The following CDK17 variants were observed in gnomAD, a reference collection of about 807,000 sequenced individuals.
The protein encoded by CDK17 is cyclin dependent kinase 17.
CDK17 carries 24 observed loss-of-function variants against 77.6 expected under a neutral mutation model. The ratio of observed to expected loss-of-function variants is 0.31; its 90% CI spans 0.22 to 0.44. The LOEUF is 0.44. Among genes scored for constraint, CDK17 ranks in the 20% least tolerant of loss-of-function variants. CDK17 has a pLI of 1.00. For synonymous variants in CDK17, 203 were observed against 210.4 expected (o/e 0.96, Z 0.30); for missense variants, 429 against 622.5 (o/e 0.69, Z 3.31).
chr12:96,358,463 A>G (rs796372558), intron 1 of CDK17, among the ~76,000 whole-genome samples: 93 of 152,024 alleles, frequency 6.1e-4, no homozygotes, highest in African/African-American at 2.2e-3. Flanking sequence ...AAGACAGTAA[A>G]ATGTATACAT....
At chr12:96,390,609 T>C (rs1954051510) in intron 1 of CDK17, among the ~76,000 whole-genome samples, 1 of 143,406 alleles carries the variant, frequency 7.0e-6, no homozygotes, top group Admixed American at 7.3e-5. Flanking sequence ...CTCAGGAGGG[T>C]GAGGCAGGAG....
intron 2 of CDK17, 84 bp from the exon 3 acceptor site, chr12:96,324,196 A>G: frequency 9.2e-7 from 1 of 1,083,246 alleles, no homozygotes; most frequent in Non-Finnish European, 1.3e-6. Context: ...AGCAAAACAA[A>G]AAGTTGTAAC....
intron 6 of CDK17, among the ~76,000 whole-genome samples, chr12:96,299,645 TC>T (rs1454315722): frequency 6.6e-6 from 1 of 152,212 alleles, no homozygotes; most frequent in African/African-American, 2.4e-5. Context: ...CGCCTTGGCC[TC>T]CCAAAATGCT....
chr12:96,310,080 G>C (rs553489745), intron 5 of CDK17, among the ~76,000 whole-genome samples: 1 of 152,184 alleles, frequency 6.6e-6, no homozygotes, highest in East Asian at 1.9e-4. Flanking sequence ...CAACCAGAAT[G>C]CCCATCGATA....
At chr12:96,375,080 T>C (rs922259453) in intron 1 of CDK17, among the ~76,000 whole-genome samples, 10 of 152,142 alleles carry the variant, frequency 6.6e-5, no homozygotes, top group African/African-American at 2.4e-4. Flanking sequence ...TCAAACCATC[T>C]CCACCATCCA....
chr12:96,326,208 A>G (rs1246557542), intron 2 of CDK17, among the ~76,000 whole-genome samples: 1 of 152,208 alleles, frequency 6.6e-6, no homozygotes, highest in South Asian at 2.1e-4. Flanking sequence ...ATAGAAAAAA[A>G]ATGGGGATCA....
chr12:96,350,903 A>C (rs1475569468), intron 1 of CDK17, among the ~76,000 whole-genome samples: 2 of 152,008 alleles, frequency 1.3e-5, no homozygotes, highest in Admixed American at 1.3e-4. Context: ...AAAGAGAGTG[A>C]AACAACCCAC....
At chr12:96,368,174 T>A (rs1333407690) in intron 1 of CDK17, among the ~76,000 whole-genome samples, 4 of 152,158 alleles carry the variant, frequency 2.6e-5, no homozygotes, top group African/African-American at 9.7e-5. Flanking sequence ...AGATTAAGAC[T>A]AATGTTCCTT....
chr12:96,327,596 G>A (rs1952908157), intron 2 of CDK17, among the ~76,000 whole-genome samples: 1 of 151,858 alleles, frequency 6.6e-6, no homozygotes, highest in Admixed American at 6.6e-5. Flanking sequence ...TGCACAGGCT[G>A]AAGTGCAGTG....
At chr12:96,392,033 G>A (rs1199413690) in intron 1 of CDK17, among the ~76,000 whole-genome samples, 2 of 152,016 alleles carry the variant, frequency 1.3e-5, no homozygotes, top group Admixed American at 6.5e-5. Context: ...ATGATAATAC[G>A]GGAAGAAATA....
At chr12:96,316,771 A>G (rs2137114491) in intron 3 of CDK17, among the ~76,000 whole-genome samples, 1 of 130,496 alleles carries the variant, frequency 7.7e-6, no homozygotes, top group Non-Finnish European at 1.6e-5. Context: ...GAAAACTAAC[A>G]AACAGAAAGG....
At position 96,311,088 on chromosome 12, in the gene CDK17, G is replaced by C. The variant is rs745922333; in HGVS notation, c.507C>G (p.Asp169Glu). ...TACGAGACCTTCGACTCATTGGTTG[G>C]TCAAATGGTGGACTGTTTATCTGCA... ...EKLQINSPPF[D>E]QPMSRRSRRA... The change falls in exon 5 of 17, where the codon GAC becomes GAG. Residue 169 changes from aspartate (D) to glutamate (E), a missense_variant. Asp to Glu is a conservative substitution (Grantham distance 45, BLOSUM62 2). Around this residue, in one of 4 missense-constraint regions of CDK17, gnomAD observed 262 missense variants for 385.4 expected, o/e 0.68. Transcript: ENST00000261211. 6.2e-6 allele frequency: 10 copies of C among 1,602,694 alleles called. No individual in the cohort carries two copies. The highest frequency in any genetic ancestry group is 7.6e-6 in the Non-Finnish European group (9 of 1,176,704).
At chr12:96,285,495 G>A (rs1376802047) in intron 13 of CDK17, among the ~76,000 whole-genome samples, 1 of 152,072 alleles carries the variant, frequency 6.6e-6, no homozygotes, top group East Asian at 1.9e-4. Context: ...GTTATTCTAT[G>A]TTATCTCCTG....
At chr12:96,394,632 T>C (rs1243935071) in intron 1 of CDK17, among the ~76,000 whole-genome samples, 3 of 151,868 alleles carry the variant, frequency 2.0e-5, no homozygotes, top group East Asian at 3.9e-4. Context: ...CTGGCCAACA[T>C]GGTGAAAACC....
At chr12:96,348,114 A>G (rs750590346) in intron 1 of CDK17, among the ~76,000 whole-genome samples, 1 of 152,178 alleles carries the variant, frequency 6.6e-6, no homozygotes, top group Non-Finnish European at 1.5e-5. Flanking sequence ...CTAACGGTAC[A>G]CTTTATAGAA....
chr12:96,393,307 G>A (rs1181770508), intron 1 of CDK17, among the ~76,000 whole-genome samples: 1 of 125,496 alleles, frequency 8.0e-6, no homozygotes, highest in Middle Eastern at 5.6e-3. Context: ...GGAGGTTGCA[G>A]TGAGCCAAGA....
In CDK17 at chr12:96,344,140, A is replaced by G. The variant is rs181966554; in HGVS notation, c.-29-9275T>C. On this transcript the variant is annotated intron_variant, in intron 1 of 16. Transcript: ENST00000261211. ...ATTTGAAGACAAGGCAATTAAAATT[A>G]TCCAGTCTTAGGGATACAAAGAAAA... Among the ~76,000 whole-genome samples, 428 of 152,320 alleles carry G rather than the reference A, an allele frequency of 2.8e-3. 3 individuals carry two copies. The highest frequency in any genetic ancestry group is 4.6e-3 in the Non-Finnish European group (311 of 68,032).
At chr12:96,365,798 T>C (rs545514283) in intron 1 of CDK17, among the ~76,000 whole-genome samples, 245 of 152,376 alleles carry the variant, frequency 1.6e-3, no homozygotes, top group Non-Finnish European at 2.7e-3. Flanking sequence ...TCCCAGCTAC[T>C]TGGGGGGCTG....
At chr12:96,348,543 C>G (rs200277450) in intron 1 of CDK17, among the ~76,000 whole-genome samples, 16 of 113,350 alleles carry the variant, frequency 1.4e-4, no homozygotes, top group African/African-American at 2.9e-4. Context: ...AAAAAAAAAA[C>G]AAAAAAGAAA....
Sources: gnomAD v4.1 joint callset for allele counts (sites outside exome capture counted in the v4.1 genomes callset) on GRCh38, gnomAD v4.1.1 for gene constraint, gnomAD v4.1.1 regional missense constraint, MANE v1.5 for transcripts, NCBI Gene and HGNC (gene_info 2026-07-23, HGNC 2026-07-21) for gene names.